LHPP: variants seen among roughly 807,000 people sequenced by gnomAD.
LHPP encodes phospholysine phosphohistidine inorganic pyrophosphate phosphatase.
Under a neutral mutation model 30.3 loss-of-function variants are expected in LHPP, and 24 were observed. That is an observed-to-expected ratio of 0.79 (90% confidence interval 0.57 to 1.11). The LOEUF (loss-of-function observed/expected upper bound fraction) is 1.11, where lower values mean the gene tolerates loss of function less well. Ranked by LOEUF, LHPP falls within the 50% of genes most tolerant of loss-of-function variation. The probability of loss-of-function intolerance (pLI) is 0.00; values close to 1 mark genes in which losing one functional copy is unlikely to be tolerated. For missense variants in LHPP, 356 were observed against 367.2 expected, an observed-to-expected ratio of 0.97 and a Z score of 0.25; for synonymous variants, 150 against 157.1, an observed-to-expected ratio of 0.95 and a Z score of 0.34.
At chr10:124,587,838 T>C (rs113378708) in intron 6 of LHPP, among the ~76,000 whole-genome samples, 7,180 of 148,564 alleles carry the variant, frequency 0.048, 523 homozygotes, top group African/African-American at 0.17. Context: ...GGGGTGGCAG[T>C]GGAGCTCCCG....
intron 5 of LHPP, among the ~76,000 whole-genome samples, chr10:124,506,263 A>ACCCCCCCCCCC (rs539116106): frequency 1.0e-4 from 9 of 86,326 alleles, no homozygotes; most frequent in South Asian, 5.2e-4. Context: ...AAAACAACAA[A>ACCCCCCCCCCC]CCCCCCCCCC....
intron 6 of LHPP, among the ~76,000 whole-genome samples, chr10:124,609,049 G>T (rs529682024): frequency 1.2e-4 from 18 of 152,310 alleles, no homozygotes; most frequent in African/African-American, 4.3e-4. Flanking sequence ...AGCCCTGGGG[G>T]ACGGTGGACA....
At chr10:124,566,251 G>A (rs1948489167) in intron 6 of LHPP, among the ~76,000 whole-genome samples, 1 of 152,236 alleles carries the variant, frequency 6.6e-6, no homozygotes, top group Admixed American at 6.5e-5. Context: ...CTGATTGCAG[G>A]AGTCTGGTTG....
At chr10:124,551,870 G>C (rs1459615223) in intron 6 of LHPP, among the ~76,000 whole-genome samples, 2 of 152,118 alleles carry the variant, frequency 1.3e-5, no homozygotes, top group Non-Finnish European at 2.9e-5. Context: ...GGAGGCGCAC[G>C]CAGGATGTCC....
intron 6 of LHPP, among the ~76,000 whole-genome samples, chr10:124,609,811 G>A (rs1014570260): frequency 5.9e-5 from 9 of 152,176 alleles, no homozygotes; most frequent in East Asian, 5.8e-4. Flanking sequence ...CCCCATTGCC[G>A]CGGCAGGAAC....
intron 1 of LHPP, among the ~76,000 whole-genome samples, chr10:124,468,987 C>G (rs938312569): frequency 6.6e-6 from 1 of 152,228 alleles, no homozygotes; most frequent in Non-Finnish European, 1.5e-5. Context: ...TTTTCCTCGC[C>G]TGGTGATTGA....
chr10:124,488,051 A>G (rs1317204), intron 2 of LHPP, among the ~76,000 whole-genome samples: 58,255 of 151,940 alleles, frequency 0.38, 11,996 homozygotes, highest in East Asian at 0.61. Context: ...AGGCTTGTGC[A>G]GCCCCATTTC....
chr10:124,610,932 G>A (rs1283375865), intron 6 of LHPP, among the ~76,000 whole-genome samples: 1 of 103,190 alleles, frequency 9.7e-6, no homozygotes. Flanking sequence ...GCGGGCGAGG[G>A]TGAGGGTGAG....
chr10:124,484,645 G>C (rs912697872), intron 2 of LHPP, among the ~76,000 whole-genome samples: 3 of 147,740 alleles, frequency 2.0e-5, no homozygotes, highest in African/African-American at 7.5e-5. Flanking sequence ...AGGTGGCGGA[G>C]TTCTAGCTCC....
chr10:124,499,680 T>G (rs960641951), intron 5 of LHPP, among the ~76,000 whole-genome samples: 1 of 150,958 alleles, frequency 6.6e-6, no homozygotes, highest in African/African-American at 2.5e-5. Flanking sequence ...AGAAACAGAG[T>G]CCACAGCTGC....
At chr10:124,486,123 T>C (rs1953317307) in intron 2 of LHPP, among the ~76,000 whole-genome samples, 2 of 152,216 alleles carry the variant, frequency 1.3e-5, no homozygotes, top group South Asian at 4.1e-4. Flanking sequence ...AAAATTTACA[T>C]ACAATGAAAT....
intron 6 of LHPP, among the ~76,000 whole-genome samples, chr10:124,559,854 A>G (rs1948363595): frequency 6.6e-6 from 1 of 152,250 alleles, no homozygotes; most frequent in African/African-American, 2.4e-5. Context: ...TCAGTAGCCC[A>G]TGGGCAGTAA....
rs139195480 is a variant in LHPP, at chr10:124,552,269, C to T, written c.716+34998C>T. On this transcript the variant is annotated intron_variant, in intron 6 of 6. Coordinates refer to ENST00000368842, the MANE Select transcript of LHPP (RefSeq NM_022126.4). ...AATTACCGGATCCCCATTACGGAAA[C>T]GGAGTCTTAGGTTGAAAAACTACTT... Among the ~76,000 whole-genome samples, 556 of 152,292 alleles carry T rather than the reference C, an allele frequency of 3.7e-3. 5 individuals are homozygous for T. Among genetic ancestry groups the T allele is most frequent in the African/African-American group, 0.012 (515 of 41,550 alleles).
rs752287886 is a variant in LHPP, at chr10:124,484,205, G to C, written c.192G>C (p.Leu64=). 16 of 1,613,996 alleles carry C rather than the reference G, an allele frequency of 9.9e-6. No individual in the cohort carries two copies. The highest frequency in any genetic ancestry group is 1.2e-5 in the Non-Finnish European group (14 of 1,180,036). The change falls in exon 2 of 7, where the codon CTG becomes CTC. Residue 64 remains leucine (L), a synonymous_variant. Transcript: ENST00000368842. The stretch of plus-strand genomic sequence containing the variant: ...AGTCGCAGAAGTCCCGGGCAGAGCT[G>C]GTGGGGCAGCTTCAGAGGCTGGGAT... The part of the protein sequence containing the change: ...TNESQKSRAE[L]VGQLQRLGFD...
rs1954654470 is a variant in LHPP at position 124,523,308 on chromosome 10, A to G, written c.716+6037A>G. On this transcript the variant is annotated intron_variant, in intron 6 of 6. Transcript: ENST00000368842. The surrounding 1 kb of genome is among the most constrained non-coding windows in gnomAD (Gnocchi z 4.2). ...CTGGGTGCTGAAGGGGTTTCCCCCCAGTGGGGTGGCCAGCCGATCTAGGAT... is the reference window on the plus strand; with the variant it reads ...CTGGGTGCTGAAGGGGTTTCCCCCCGGTGGGGTGGCCAGCCGATCTAGGAT... Among the ~76,000 whole-genome samples, 1 of 152,138 alleles carries G rather than the reference A, an allele frequency of 6.6e-6. No individual in the cohort carries two copies. Among genetic ancestry groups the G allele is most frequent in the Non-Finnish European group, 1.5e-5 (1 of 68,010 alleles).
At chr10:124,465,114 C>T (rs1211872663) in intron 1 of LHPP, among the ~76,000 whole-genome samples, 1 of 152,024 alleles carries the variant, frequency 6.6e-6, no homozygotes, top group Non-Finnish European at 1.5e-5. Flanking sequence ...GTGGCCTGTG[C>T]TAGAGAGGGG....
intron 1 of LHPP, among the ~76,000 whole-genome samples, chr10:124,475,593 C>T (rs1434716706): frequency 1.3e-5 from 2 of 152,096 alleles, no homozygotes; most frequent in Admixed American, 6.5e-5. Context: ...ACAGCCCTGT[C>T]CAGTAGCTAC....
At position 124,514,387 on chromosome 10, in the gene LHPP, A is replaced by T. The variant is rs1195877987; in HGVS notation, c.625-2793A>T. On this transcript the variant is annotated intron_variant, in intron 5 of 6. Transcript: ENST00000368842. Reference sequence around the variant, plus strand: ...TTCTTGTAGGGTAGATCTCTTGGTGATGAATTATTTCCGCTTCGGATGTCT... The same window carrying T: ...TTCTTGTAGGGTAGATCTCTTGGTGTTGAATTATTTCCGCTTCGGATGTCT... 2.0e-5 allele frequency among the ~76,000 whole-genome samples: 3 copies of T among 150,452 alleles called. No homozygotes were observed. In the East Asian group the frequency reaches 5.9e-4, roughly 30 times the overall value.
intron 6 of LHPP, among the ~76,000 whole-genome samples, chr10:124,518,099 G>A (rs538506140): frequency 3.3e-5 from 5 of 152,186 alleles, no homozygotes; most frequent in Non-Finnish European, 7.3e-5. Flanking sequence ...CCCGACCGTC[G>A]CTCTGAAGTC....
Sources: allele counts gnomAD v4.1 joint callset (sites outside exome capture counted in the v4.1 genomes callset), GRCh38; gene constraint gnomAD v4.1.1; non-coding constraint Gnocchi (gnomAD v3.1); transcripts MANE v1.5; gene names NCBI Gene and HGNC (gene_info 2026-07-23, HGNC 2026-07-21).